The following MACROD1 variants were observed in gnomAD, a reference collection of about 807,000 sequenced individuals.
MACROD1 encodes mono-ADP ribosylhydrolase 1.
In MACROD1, 31 loss-of-function variants were observed where a neutral mutation model predicts 41.4. The observed-to-expected ratio is 0.75, with a 90% confidence interval of 0.56 to 1.01. MACROD1 has a LOEUF of 1.01. Ranked by LOEUF, MACROD1 falls within the 50% of genes least tolerant of loss-of-function variation. The probability of loss-of-function intolerance (pLI) is 0.00; values close to 1 mark genes in which losing one functional copy is unlikely to be tolerated. For missense variants in MACROD1, 473 were observed against 460.0 expected, an observed-to-expected ratio of 1.03 and a Z score of -0.26; for synonymous variants, 252 against 203.4, an observed-to-expected ratio of 1.24 and a Z score of -2.03.
chr11:64,061,072 C>A (rs184659506), intron 3 of MACROD1, among the ~76,000 whole-genome samples: 2 of 152,168 alleles, frequency 1.3e-5, no homozygotes, highest in South Asian at 2.1e-4. Context: ...GCGTCCCCCC[C>A]ACTCCCAACC....
intron 4 of MACROD1, among the ~76,000 whole-genome samples, chr11:64,010,120 TGTTGGTTGGGGG>T (rs1439128389): frequency 4.0e-5 from 5 of 124,906 alleles, no homozygotes; most frequent in East Asian, 2.6e-4. Context: ...TTGGCTGGGG[TGTTGGTTGGGGG>T]GTTGGTTGGG....
At chr11:64,145,914 C>T (rs984292784) in intron 3 of MACROD1, among the ~76,000 whole-genome samples, 1 of 152,148 alleles carries the variant, frequency 6.6e-6, no homozygotes, top group Non-Finnish European at 1.5e-5. Flanking sequence ...GGACTACAGG[C>T]GCATGCCACT....
chr11:64,161,690 T>G (rs903152582), intron 1 of MACROD1, among the ~76,000 whole-genome samples: 1 of 152,202 alleles, frequency 6.6e-6, no homozygotes, highest in Admixed American at 6.5e-5. Flanking sequence ...TGCCAGCATT[T>G]TGGGAGGCTG....
intron 4 of MACROD1, among the ~76,000 whole-genome samples, chr11:64,002,110 T>A (rs1350063799): frequency 6.6e-6 from 1 of 152,160 alleles, no homozygotes. Flanking sequence ...TTCGGGTATG[T>A]GTACATCAGT....
intron 1 of MACROD1, among the ~76,000 whole-genome samples, chr11:64,156,192 G>C (rs1428692519): frequency 1.3e-5 from 2 of 152,046 alleles, no homozygotes; most frequent in Non-Finnish European, 2.9e-5. Flanking sequence ...GAGGCAGGAG[G>C]ATCGCTTCAG....
chr11:64,052,824 C>T (rs1296068431), intron 3 of MACROD1, among the ~76,000 whole-genome samples: 2 of 152,182 alleles, frequency 1.3e-5, no homozygotes, highest in East Asian at 3.8e-4. Context: ...GCCCTTTGCC[C>T]AGGTGGGGTT....
At chr11:64,151,660 G>A (rs1362739674) in intron 2 of MACROD1, among the ~76,000 whole-genome samples, 2 of 152,166 alleles carry the variant, frequency 1.3e-5, no homozygotes, top group Non-Finnish European at 2.9e-5. Context: ...CTTGCCTAGG[G>A]TTATGGGTCA....
chr11:64,095,453 C>A (rs566828879), intron 3 of MACROD1, among the ~76,000 whole-genome samples: 2 of 152,278 alleles, frequency 1.3e-5, no homozygotes, highest in African/African-American at 4.8e-5. Flanking sequence ...ATTTCCAACA[C>A]AGGCAAAAAA....
rs546342049 is a variant in MACROD1, at chr11:64,093,731, G to A, written c.517+57508C>T. Reference sequence around the variant, plus strand: ...TCACTCCCCACCCACTGGGCCTCCCGCTCTGTAGTGTGGCTGTGTGTCTCT... The same window carrying A: ...TCACTCCCCACCCACTGGGCCTCCCACTCTGTAGTGTGGCTGTGTGTCTCT... On this transcript the variant is annotated intron_variant, in intron 3 of 10. Transcript: ENST00000255681. Among the ~76,000 whole-genome samples, 249 of 152,250 alleles carry A rather than the reference G, an allele frequency of 1.6e-3. 2 individuals carry two copies. Among genetic ancestry groups the A allele is most frequent in the African/African-American group, 5.7e-3 (235 of 41,540 alleles).
At chr11:64,007,293 G>A (rs1730761097) in intron 4 of MACROD1, among the ~76,000 whole-genome samples, 1 of 152,222 alleles carries the variant, frequency 6.6e-6, no homozygotes, top group African/African-American at 2.4e-5. Flanking sequence ...AGTTGTGGGC[G>A]TGGTGAAAAA....
intron 3 of MACROD1, among the ~76,000 whole-genome samples, chr11:64,050,922 G>T (rs1943681603): frequency 6.6e-6 from 1 of 152,202 alleles, no homozygotes; most frequent in African/African-American, 2.4e-5. Context: ...CCCGGCCACA[G>T]CCTTGCTTTT....
In MACROD1 at chr11:63,998,570, A is replaced by ATCTT; in HGVS notation, c.*144_*147dup. Reference sequence around the variant, plus strand: ...AGACAGTAGGAGCTGCCACAACGAGATCTTTATTAGGCTCCTCGGGGGCGG... The same window carrying ATCTT: ...AGACAGTAGGAGCTGCCACAACGAGATCTTTCTTTATTAGGCTCCTCGGGGGCGG... On this transcript the variant is annotated 3_prime_UTR_variant, in exon 11 of 11. Transcript: ENST00000255681. 1 of 1,196,570 alleles carries ATCTT rather than the reference A, an allele frequency of 8.4e-7. No individual in the cohort carries two copies. The highest frequency in any genetic ancestry group is 1.0e-6 in the Non-Finnish European group (1 of 954,350). 74.1% of individuals were successfully genotyped at this position (1,196,570 alleles called of 1,614,324 possible).
intron 3 of MACROD1, among the ~76,000 whole-genome samples, chr11:64,079,692 G>A (rs1944271217): frequency 6.6e-6 from 1 of 152,132 alleles, no homozygotes; most frequent in South Asian, 2.1e-4. Flanking sequence ...TGTGGTTGGG[G>A]AAAGGAAGGA....
At chr11:64,049,097 G>C (rs1343703895) in intron 3 of MACROD1, among the ~76,000 whole-genome samples, 1 of 152,198 alleles carries the variant, frequency 6.6e-6, no homozygotes, top group Admixed American at 6.5e-5. Context: ...CTTTGTGGGT[G>C]AGGTATTACA....
At chr11:64,119,982 G>A (rs1156706318) in intron 3 of MACROD1, among the ~76,000 whole-genome samples, 2 of 152,192 alleles carry the variant, frequency 1.3e-5, no homozygotes, top group Non-Finnish European at 2.9e-5. Context: ...GAAAAGGAAC[G>A]TCAAAGAGGA....
In MACROD1 at chr11:63,998,947, G is replaced by C; in HGVS notation, c.973+8C>G. ...GGGGCGGGCCGTGGGGCGGCGCGGG[G>C]CACGTACCCACGGGGAAGTAGTGGG... is the stretch of plus-strand genomic sequence containing the variant. On this transcript the variant is annotated splice_region_variant and intron_variant, in intron 9 of 10. Transcript: ENST00000255681. 1 of 1,586,114 alleles carries C rather than the reference G, an allele frequency of 6.3e-7. No homozygotes were observed. Among genetic ancestry groups the C allele is most frequent in the Non-Finnish European group, 8.6e-7 (1 of 1,168,656 alleles).
At chr11:64,091,434 C>G (rs905301566) in intron 3 of MACROD1, among the ~76,000 whole-genome samples, 4 of 151,070 alleles carry the variant, frequency 2.6e-5, no homozygotes, top group South Asian at 2.1e-4. Context: ...AGCTTTTGCC[C>G]CAGGGCTGCA....
chr11:64,138,569 T>C (rs968207501), intron 3 of MACROD1: 1 of 985,288 alleles, frequency 1.0e-6, no homozygotes. Context: ...GCGGCAATAA[T>C]AAAACAGCCG....
intron 4 of MACROD1, among the ~76,000 whole-genome samples, chr11:64,007,887 C>T (rs527767748): frequency 6.6e-6 from 1 of 152,344 alleles, no homozygotes; most frequent in East Asian, 1.9e-4. Context: ...CACACAGCCC[C>T]GCCTCCAGAG....
Sources: allele counts gnomAD v4.1 joint callset (sites outside exome capture counted in the v4.1 genomes callset), GRCh38; gene constraint gnomAD v4.1.1; transcripts MANE v1.5; gene names NCBI Gene and HGNC (gene_info 2026-07-23, HGNC 2026-07-21).